The following TAOK1 variants were observed in gnomAD, a reference collection of about 807,000 sequenced individuals.
TAOK1 encodes serine/threonine-protein kinase TAO1.
TAOK1 carries 21 observed loss-of-function variants against 138.3 expected under a neutral mutation model. The ratio of observed to expected loss-of-function variants is 0.15; its 90% CI spans 0.11 to 0.22. TAOK1 has a LOEUF of 0.22. Ranked by LOEUF, TAOK1 falls within the 10% of genes least tolerant of loss-of-function variation. The pLI, the probability that TAOK1 is intolerant of heterozygous loss-of-function variation, is 1.00. For missense variants in TAOK1, 651 were observed against 1,227.7 expected (o/e 0.53, Z 7.02); for synonymous variants, 361 against 398.4 (o/e 0.91, Z 1.12).
rs887664517 is a variant in TAOK1 at position 29,547,431 on chromosome 17, C to G, written c.*4409C>G. 2 of 152,122 alleles carry G rather than the reference C, an allele frequency of 1.3e-5. No individual in the cohort carries two copies. The highest frequency in any genetic ancestry group is 2.4e-5 in the African/African-American group (1 of 41,440). The allele number at this position is 152,122 out of a possible 1,614,324, so 9.4% of individuals were successfully genotyped here. ...GTTCTTTGTGCACCTTCCACCACTTCTGAGCCACTACTATTCAAGTAGAGA... is the reference window on the plus strand; with the variant it reads ...GTTCTTTGTGCACCTTCCACCACTTGTGAGCCACTACTATTCAAGTAGAGA... On this transcript the variant is annotated 3_prime_UTR_variant, in exon 20 of 20. Transcript: ENST00000261716.
chr17:29,456,277 A>G (rs8070136), intron 2 of TAOK1, among the ~76,000 whole-genome samples: 118,709 of 149,418 alleles, frequency 0.79, 48,146 homozygotes, highest in East Asian at 0.98. Context: ...GAACCCGTCC[A>G]TGAGGTGGAG....
At chr17:29,491,752 A>G (rs1333197185) in intron 9 of TAOK1, 32 bp from the exon 10 acceptor site, 4 of 1,472,846 alleles carry the variant, frequency 2.7e-6, no homozygotes, top group African/African-American at 1.4e-5. Flanking sequence ...GGAAATAGCA[A>G]TGTGTTCACT....
chr17:29,510,809 A>T, intron 14 of TAOK1, 55 bp from the exon 15 acceptor site: 1 of 1,339,278 alleles, frequency 7.5e-7, no homozygotes, highest in South Asian at 1.6e-5. Flanking sequence ...ATGTATATTA[A>T]ACCACTACTT....
intron 1 of TAOK1, among the ~76,000 whole-genome samples, chr17:29,423,913 GT>G (rs1319621865): frequency 6.6e-6 from 1 of 151,986 alleles, no homozygotes; most frequent in Non-Finnish European, 1.5e-5. Flanking sequence ...GCCAGGCGTG[GT>G]AGTGGACGCC....
rs150300324 is a variant in TAOK1 at position 29,534,095 on chromosome 17, TTC to T, written c.2362-9_2362-8del. On this transcript the variant is annotated intron_variant, in intron 18 of 19. Transcript: ENST00000261716. ...TAACATTAGGATATATCTTTTTTTTTTCTCTCTCTCTCTCTGTCTCAGCTGCG... is the reference window on the plus strand; with the variant it reads ...TAACATTAGGATATATCTTTTTTTTTTCTCTCTCTCTCTGTCTCAGCTGCG... The T allele has an allele frequency of 0.056, 59,079 of 1,055,040 alleles. No individual in the cohort carries two copies. Among genetic ancestry groups the T allele is most frequent in the South Asian group, 0.11 (6,572 of 57,956 alleles). 65.4% of individuals were successfully genotyped at this position (1,055,040 alleles called of 1,614,324 possible).
chr17:29,542,487 A>C, intron 19 of TAOK1, 74 bp from the exon 20 acceptor site: 1 of 1,352,612 alleles, frequency 7.4e-7, no homozygotes, highest in Non-Finnish European at 1.0e-6. Context: ...TCAAAGCTGA[A>C]TAATTATTGC....
intron 1 of TAOK1, among the ~76,000 whole-genome samples, chr17:29,451,237 T>C (rs1465844170): frequency 2.0e-5 from 3 of 152,192 alleles, no homozygotes; most frequent in Non-Finnish European, 4.4e-5. Context: ...AAAGATTATC[T>C]CATTTTTTTA....
chr17:29,429,803 C>T (rs1233338786), intron 1 of TAOK1, among the ~76,000 whole-genome samples: 1 of 152,118 alleles, frequency 6.6e-6, no homozygotes, highest in Non-Finnish European at 1.5e-5. Context: ...CCACCCAACC[C>T]TTCAGGCACT....
intron 17 of TAOK1, among the ~76,000 whole-genome samples, chr17:29,527,233 G>T (rs1269235490): frequency 2.0e-5 from 3 of 152,060 alleles, no homozygotes; most frequent in Non-Finnish European, 4.4e-5. Flanking sequence ...TGAGGCTGTG[G>T]TGAGCCATGA....
rs1289414927 is a variant in TAOK1, at chr17:29,547,598, T to C, written c.*4576T>C. 1 of 152,118 alleles carries C rather than the reference T, an allele frequency of 6.6e-6. No individual in the cohort carries two copies. The highest frequency in any genetic ancestry group is 2.1e-4 in the South Asian group (1 of 4,836). The allele number at this position is 152,118 out of a possible 1,614,324, so 9.4% of individuals were successfully genotyped here. ...TATAAGTGTGAATCTCCTATAATGA[T>C]GGAAGAAGAGGTTCTCTTGTCTTAG... is the stretch of plus-strand genomic sequence containing the variant. On this transcript the variant is annotated 3_prime_UTR_variant, in exon 20 of 20. Transcript: ENST00000261716.
intron 1 of TAOK1, among the ~76,000 whole-genome samples, chr17:29,392,806 C>T (rs1303815161): frequency 6.6e-6 from 1 of 152,078 alleles, no homozygotes; most frequent in Admixed American, 6.5e-5. Flanking sequence ...CTTCAAATGC[C>T]ATCTACATTT....
At chr17:29,424,742 T>C (rs1010939747) in intron 1 of TAOK1, 1 of 152,222 alleles carries the variant, frequency 6.6e-6, no homozygotes, top group African/African-American at 2.4e-5. Context: ...TTTGTACAAC[T>C]TAACATAAGT....
intron 1 of TAOK1, among the ~76,000 whole-genome samples, chr17:29,447,654 A>C (rs907047928): frequency 6.8e-6 from 1 of 147,296 alleles, no homozygotes. Flanking sequence ...ATTTTATTTT[A>C]TTTTATTTTT....
intron 3 of TAOK1, among the ~76,000 whole-genome samples, chr17:29,468,368 C>G (rs960713134): frequency 5.3e-5 from 8 of 151,256 alleles, no homozygotes; most frequent in Non-Finnish European, 2.9e-5. Flanking sequence ...AACTCCTGAC[C>G]TCAGGCAATC....
At position 29,480,499 on chromosome 17, in the gene TAOK1, A is replaced by C. The variant is rs767347683; in HGVS notation, c.563+18A>C. ...CCGTATTGGTAAGAATAGTTAAAGC[A>C]GTCAGCAGCTGTTTTAAGTGTCTGT... On this transcript the variant is annotated intron_variant, in intron 7 of 19. Coordinates refer to ENST00000261716, the MANE Select transcript of TAOK1 (RefSeq NM_020791.4). The C allele has an allele frequency of 1.3e-5, 20 of 1,589,972 alleles. No homozygotes were observed. The South Asian group carries it at 1.9e-4, about 15-fold the overall frequency.
chr17:29,487,640 C>T (rs2031201181), intron 8 of TAOK1, among the ~76,000 whole-genome samples: 1 of 152,068 alleles, frequency 6.6e-6, no homozygotes, highest in African/African-American at 2.4e-5. Flanking sequence ...ATAATGGGGC[C>T]ATGTCCAAAA....
chr17:29,535,514 T>C (rs1488613648), intron 19 of TAOK1, among the ~76,000 whole-genome samples: 1 of 152,156 alleles, frequency 6.6e-6, no homozygotes, highest in African/African-American at 2.4e-5. Context: ...TTTTCCTCTA[T>C]TTCCTATAGT....
chr17:29,465,582 AT>A (rs2030642250), intron 2 of TAOK1, among the ~76,000 whole-genome samples: 1 of 152,074 alleles, frequency 6.6e-6, no homozygotes. Flanking sequence ...CAGTTCAATT[AT>A]TTTTAGTAGA....
intron 1 of TAOK1, among the ~76,000 whole-genome samples, chr17:29,434,396 G>A (rs1905959269): frequency 6.6e-6 from 1 of 152,158 alleles, no homozygotes; most frequent in Admixed American, 6.5e-5. Flanking sequence ...GGTACAGATT[G>A]AAGATGAATG....
Sources: allele counts gnomAD v4.1 joint callset (sites outside exome capture counted in the v4.1 genomes callset), GRCh38; gene constraint gnomAD v4.1.1; transcripts MANE v1.5; gene names NCBI Gene and HGNC (gene_info 2026-07-23, HGNC 2026-07-21).